The following MYO5A variants were observed in gnomAD, a reference collection of about 807,000 sequenced individuals.
MYO5A encodes unconventional myosin-Va.
In MYO5A, 98 loss-of-function variants were observed where a neutral mutation model predicts 249.7. The observed-to-expected ratio is 0.39, with a 90% CI of 0.33 to 0.46. The LOEUF (loss-of-function observed/expected upper bound fraction) is 0.46, where lower values mean the gene tolerates loss of function less well. Among genes scored for constraint, MYO5A ranks in the 20% least tolerant of loss-of-function variants. The pLI is 0.98. For missense variants in MYO5A, 1,696 were observed against 2,308.8 expected (o/e 0.73, Z 5.44); for synonymous variants, 778 against 810.6 (o/e 0.96, Z 0.68).
At chr15:52,425,192 C>T (rs148246889) in intron 4 of MYO5A, among the ~76,000 whole-genome samples, 28 of 152,290 alleles carry the variant, frequency 1.8e-4, no homozygotes, top group African/African-American at 6.5e-4. Context: ...ATTACTCATT[C>T]GCTGACTGAC....
intron 1 of MYO5A, among the ~76,000 whole-genome samples, chr15:52,475,904 A>C (rs555479797): frequency 2.6e-3 from 402 of 152,242 alleles, no homozygotes; most frequent in Non-Finnish European, 4.6e-3. Flanking sequence ...TCTATTAGGT[A>C]CACTTGGTGC....
chr15:52,407,517 T>C, intron 7 of MYO5A, 118 bp from the exon 8 acceptor site: 1 of 532,362 alleles, frequency 1.9e-6, no homozygotes, highest in Non-Finnish European at 3.4e-6. Flanking sequence ...ATCTAGAGTT[T>C]GACTGCCTGT....
At position 52,434,239 on chromosome 15, in the gene MYO5A, C is replaced by T. The variant is rs181540645; in HGVS notation, c.28-954G>A. On this transcript the variant is annotated intron_variant, in intron 1 of 41. Transcript: ENST00000399233. The stretch of plus-strand genomic sequence containing the variant: ...GGTCTCGAACCCCTGACCTCGTGAC[C>T]CACCTGCCTCAGCCTCCCAAAGTGC... Among the ~76,000 whole-genome samples the T allele has an allele frequency of 9.2e-5, 14 of 151,936 alleles. No homozygotes were observed. In the East Asian group the frequency reaches 2.1e-3, roughly 23 times the overall value.
At chr15:52,331,803 G>A in intron 34 of MYO5A, 2 of 985,394 alleles carry the variant, frequency 2.0e-6, no homozygotes, top group Non-Finnish European at 2.4e-6. Context: ...TCTGGTTTAG[G>A]TGAAGTCACC....
At chr15:52,405,449 T>C in intron 8 of MYO5A, 56 bp from the exon 9 acceptor site, 2 of 1,296,798 alleles carry the variant, frequency 1.5e-6, no homozygotes, top group South Asian at 1.2e-5. Context: ...AACTAAACAA[T>C]TACAGCAGAC....
rs769184092 is a variant in MYO5A at position 52,397,435 on chromosome 15, T to C, written c.1085A>G (p.Glu362Gly). ...PKHEPLCIFC[E>G]LMGVDYEEMC... ...CTCCTCATAGTCCACACCCATGAGT[T>C]CACAGAAGATGCAGAGAGGTTCATG... Residue 362 changes from glutamate to glycine, a missense_variant, in exon 10 of 42, where the codon GAA becomes GGA. By Grantham distance (98) the Glu-to-Gly change is moderately conservative. Around this residue, in one of 5 missense-constraint regions of MYO5A, gnomAD observed 185 missense variants for 204.8 expected, o/e 0.90. Transcript: ENST00000399233. 5.0e-6 allele frequency: 8 copies of C among 1,613,972 alleles called. No individual in the cohort carries two copies. Among genetic ancestry groups the C allele is most frequent in the South Asian group, 1.1e-5 (1 of 91,066 alleles).
rs1273936976 is a variant in MYO5A, at chr15:52,337,891, A to G, written c.4240-7T>C. On this transcript the variant is annotated splice_polypyrimidine_tract_variant and splice_region_variant and intron_variant, in intron 32 of 41. Coordinates refer to ENST00000399233, the MANE Select transcript of MYO5A (RefSeq NM_001382347.1). ...CATATAATTCCTCAAAATACTGAAA[A>G]AACAGGCACAATGGATATTTGTTTT... The G allele has an allele frequency of 5.9e-6, 9 of 1,526,096 alleles. No homozygotes were observed. The highest frequency in any genetic ancestry group is 2.0e-5 in the Admixed American group (1 of 49,822). 94.5% of individuals were successfully genotyped at this position (1,526,096 alleles called of 1,614,324 possible). A position where few individuals can be genotyped will look rare whatever the true frequency, so the allele number is the denominator to read the frequency against.
intron 1 of MYO5A, among the ~76,000 whole-genome samples, chr15:52,468,566 A>G (rs576388475): frequency 1.1e-3 from 162 of 152,234 alleles, no homozygotes; most frequent in Non-Finnish European, 2.0e-3. Context: ...GTTACTTGGG[A>G]GGCTGGGGTG....
chr15:52,461,759 G>C (rs1358399863), intron 1 of MYO5A, among the ~76,000 whole-genome samples: 1 of 151,908 alleles, frequency 6.6e-6, no homozygotes, highest in Non-Finnish European at 1.5e-5. Context: ...TGAGGAGTTT[G>C]AGACCAGCCT....
intron 1 of MYO5A, among the ~76,000 whole-genome samples, chr15:52,507,825 T>C (rs1352280446): frequency 8.5e-6 from 1 of 117,632 alleles, no homozygotes; most frequent in African/African-American, 3.5e-5. Context: ...AAAAAAAGTG[T>C]AATAACTAGA....
chr15:52,483,594 C>T (rs28581262), intron 1 of MYO5A, among the ~76,000 whole-genome samples: 5,783 of 152,220 alleles, frequency 0.038, 304 homozygotes, highest in African/African-American at 0.12. Flanking sequence ...AACCCATTCT[C>T]AGCACTCAGT....
Position 52,312,128 on chromosome 15 carries a change from G to A in MYO5A, c.*1568C>T, listed in dbSNP as rs1242582509. 1 of 152,150 alleles carries A rather than the reference G, an allele frequency of 6.6e-6. No individual in the cohort carries two copies. The highest frequency in any genetic ancestry group is 2.4e-5 in the African/African-American group (1 of 41,434). 9.4% of individuals were successfully genotyped at this position (152,150 alleles called of 1,614,324 possible). A position where few individuals can be genotyped will look rare whatever the true frequency, so the allele number is the denominator to read the frequency against. On this transcript the variant is annotated 3_prime_UTR_variant, in exon 42 of 42. Transcript: ENST00000399233. ...AAACTTACAGAATCTGGGTCTTAAT[G>A]AACCAAATCCTCTGTAAAATTCAAC...
chr15:52,353,695 C>G, intron 26 of MYO5A, 37 bp from the exon 27 acceptor site: 3 of 1,596,066 alleles, frequency 1.9e-6, no homozygotes, highest in Non-Finnish European at 2.6e-6. Context: ...TTAATTGTCA[C>G]ATTTTTACTC....
intron 12 of MYO5A, among the ~76,000 whole-genome samples, chr15:52,390,011 T>C (rs1711894499): frequency 6.6e-6 from 1 of 152,120 alleles, no homozygotes; most frequent in Non-Finnish European, 1.5e-5. Context: ...AGGGCTATTA[T>C]GTACGTTTTT....
intron 1 of MYO5A, among the ~76,000 whole-genome samples, chr15:52,469,501 G>A (rs2076415750): frequency 6.6e-6 from 1 of 152,140 alleles, no homozygotes; most frequent in Non-Finnish European, 1.5e-5. Flanking sequence ...GGAAGAGGAG[G>A]GCTTGGTCTT....
rs2039319867 is a variant in MYO5A at position 52,340,346 on chromosome 15, C to G, written c.4089G>C (p.Glu1363Asp). The stretch of plus-strand genomic sequence containing the variant: ...GGATCTCCCCACGGAGGGCCTCGGC[C>G]TCATTCTCATGGCTCCTCTTCTGTG... ...LQSQKRSHEN[E>D]AEALRGEIQS... The change falls in exon 32 of 42, where the codon GAG becomes GAC. Residue 1363 changes from glutamate to aspartate, a missense_variant. Transcript: ENST00000399233. 1 of 1,613,900 alleles carries G rather than the reference C, an allele frequency of 6.2e-7. No individual in the cohort carries two copies. The highest frequency in any genetic ancestry group is 1.7e-5 in the Admixed American group (1 of 60,022).
At chr15:52,507,537 G>T (rs2077298443) in intron 1 of MYO5A, among the ~76,000 whole-genome samples, 2 of 152,112 alleles carry the variant, frequency 1.3e-5, no homozygotes, top group African/African-American at 4.8e-5. Flanking sequence ...TGTGATAAGG[G>T]CCTGGTACAG....
chr15:52,320,250 C>T (rs1047554897), intron 38 of MYO5A, among the ~76,000 whole-genome samples: 9 of 152,190 alleles, frequency 5.9e-5, no homozygotes, highest in African/African-American at 1.4e-4. Flanking sequence ...CTGAGATGTC[C>T]ACTCCCTGAC....
chr15:52,352,230 A>G (rs564391351), intron 27 of MYO5A, among the ~76,000 whole-genome samples: 1 of 152,268 alleles, frequency 6.6e-6, no homozygotes, highest in South Asian at 2.1e-4. Context: ...TGCCCACTCC[A>G]TGCTCTGTTC....
Sources: gnomAD v4.1 joint callset for allele counts (sites outside exome capture counted in the v4.1 genomes callset) on GRCh38, gnomAD v4.1.1 for gene constraint, gnomAD v4.1.1 regional missense constraint, MANE v1.5 for transcripts, NCBI Gene and HGNC (gene_info 2026-07-23, HGNC 2026-07-21) for gene names.